The following ERC2 variants were observed in gnomAD, a reference collection of about 807,000 sequenced individuals.
The protein encoded by ERC2 is ERC protein 2.
Under a neutral mutation model 114.8 loss-of-function variants are expected in ERC2, and 42 were observed. That is an observed-to-expected ratio of 0.37 (90% confidence interval 0.29 to 0.47). The LOEUF (loss-of-function observed/expected upper bound fraction) is 0.47, where lower values mean the gene tolerates loss of function less well. Ranked by LOEUF, ERC2 falls within the 20% of genes least tolerant of loss-of-function variation. The pLI, the probability that ERC2 is intolerant of heterozygous loss-of-function variation, is 0.99. For synonymous variants in ERC2, 454 were observed against 425.5 expected (o/e 1.07, Z -0.82); for missense variants, 939 against 1,150.7 (o/e 0.82, Z 2.66).
chr3:56,391,607 G>A (rs188422112), intron 2 of ERC2, among the ~76,000 whole-genome samples: 2 of 152,282 alleles, frequency 1.3e-5, no homozygotes, highest in Non-Finnish European at 1.5e-5. Context: ...GGTGAACTGT[G>A]ACAATCAAAT....
chr3:56,389,445 C>T (rs995654770), intron 2 of ERC2, among the ~76,000 whole-genome samples: 12 of 152,104 alleles, frequency 7.9e-5, no homozygotes, highest in Non-Finnish European at 1.8e-4. Context: ...GTTTCCCTGC[C>T]AGGGAAACCC....
At chr3:55,731,258 C>A (rs1183190790) in intron 15 of ERC2, among the ~76,000 whole-genome samples, 1 of 152,200 alleles carries the variant, frequency 6.6e-6, no homozygotes, top group Non-Finnish European at 1.5e-5. Flanking sequence ...GTTGCCACAG[C>A]TCAACAATGT....
chr3:55,952,158 C>CT (rs1559922054), intron 12 of ERC2, among the ~76,000 whole-genome samples: 7 of 59,886 alleles, frequency 1.2e-4, no homozygotes, highest in South Asian at 6.4e-4. Context: ...CACACACACA[C>CT]ACACACACAC....
chr3:56,118,395 T>C (rs977676580), intron 6 of ERC2, among the ~76,000 whole-genome samples: 1 of 152,196 alleles, frequency 6.6e-6, no homozygotes, highest in Non-Finnish European at 1.5e-5. Context: ...TGATTGTTAG[T>C]AGTGACAGTA....
At chr3:56,023,919 AT>A (rs531622582) in intron 7 of ERC2, among the ~76,000 whole-genome samples, 3 of 152,310 alleles carry the variant, frequency 2.0e-5, no homozygotes, top group South Asian at 2.1e-4. Flanking sequence ...ATAAAAAGTG[AT>A]GGAGAAAGTC....
chr3:56,081,162 C>T (rs1246753593), intron 6 of ERC2, among the ~76,000 whole-genome samples, 178 bp from the exon 7 acceptor site: 1 of 151,216 alleles, frequency 6.6e-6, no homozygotes, highest in East Asian at 2.0e-4. Context: ...TCTTAAAGCC[C>T]TATTGTGTGC....
intron 10 of ERC2, among the ~76,000 whole-genome samples, chr3:56,001,440 CAG>C (rs1357218755): frequency 6.6e-6 from 1 of 151,968 alleles, no homozygotes; most frequent in Admixed American, 6.6e-5. Flanking sequence ...GACACCAAGA[CAG>C]GGGGAGTTAA....
At chr3:56,244,000 C>G (rs1213040233) in intron 3 of ERC2, among the ~76,000 whole-genome samples, 1 of 152,138 alleles carries the variant, frequency 6.6e-6, no homozygotes, top group African/African-American at 2.4e-5. Context: ...CCTGGGATGC[C>G]TCGCCAAAGA....
rs187724335 is a variant in ERC2, at chr3:55,550,828, A to G, written c.*40-39552T>C. Among the ~76,000 whole-genome samples, 8 of 152,228 alleles carry G rather than the reference A, an allele frequency of 5.3e-5. No homozygotes were observed. The East Asian group carries it at 5.8e-4, about 11-fold the overall frequency. On this transcript the variant is annotated intron_variant, in intron 17 of 17. Transcript: ENST00000288221. ...TCAGGAGATCGAGACCATCCTGGCTAACACGGTGAAACCCCATCTCTACTA... is the reference window on the plus strand; with the variant it reads ...TCAGGAGATCGAGACCATCCTGGCTGACACGGTGAAACCCCATCTCTACTA...
chr3:55,545,042 T>C (rs1377436825), intron 17 of ERC2, among the ~76,000 whole-genome samples: 1 of 152,210 alleles, frequency 6.6e-6, no homozygotes, highest in African/African-American at 2.4e-5. Flanking sequence ...TGCACCTTCA[T>C]CTGTATTGTC....
At chr3:55,701,896 A>G (rs1473982491) in intron 15 of ERC2, among the ~76,000 whole-genome samples, 1 of 152,220 alleles carries the variant, frequency 6.6e-6, no homozygotes, top group Admixed American at 6.5e-5. Context: ...TAGAATTCTG[A>G]GAGCCTGAGG....
chr3:56,404,438 C>T (rs532996270), intron 2 of ERC2, among the ~76,000 whole-genome samples: 4 of 151,884 alleles, frequency 2.6e-5, no homozygotes, highest in Non-Finnish European at 4.4e-5. Flanking sequence ...AAAAAGGCAA[C>T]TTGGGTAAAT....
chr3:55,734,796 C>T lies in ERC2; in HGVS notation c.2687G>A (p.Arg896Gln), dbSNP rs1219430465. 22 of 1,612,658 alleles carry T rather than the reference C, an allele frequency of 1.4e-5. No individual in the cohort carries two copies. Among genetic ancestry groups the T allele is most frequent in the African/African-American group, 8.0e-5 (6 of 74,830 alleles). ...EVMALKREKD[R>Q]LVHQLKQQTQ... is the part of the protein sequence containing the mutation. Reference sequence around the variant, plus strand: ...CTGCTGCTTTAATTGATGTACTAGTCGGTCTTTTTCCCGCTTGAGGGCCAT... The same window carrying T: ...CTGCTGCTTTAATTGATGTACTAGTTGGTCTTTTTCCCGCTTGAGGGCCAT... Residue 896 changes from arginine (R) to glutamine (Q), a missense_variant, in exon 15 of 18, where the codon CGA (arginine) becomes CAA (glutamine). This residue lies in a region of ERC2 where 328 missense variants were observed against 353.9 expected (regional missense o/e 0.93). Transcript: ENST00000288221.
At chr3:56,440,957 T>G (rs982253070) in intron 1 of ERC2, among the ~76,000 whole-genome samples, 1 of 152,182 alleles carries the variant, frequency 6.6e-6, no homozygotes, top group African/African-American at 2.4e-5. Flanking sequence ...GTAGTTCCAT[T>G]AGTTCCATCA....
At chr3:56,301,286 CAT>C (rs1273859113) in intron 2 of ERC2, among the ~76,000 whole-genome samples, 1 of 152,168 alleles carries the variant, frequency 6.6e-6, no homozygotes, top group African/African-American at 2.4e-5. Flanking sequence ...TTCTCAAATT[CAT>C]GTTTATATTT....
At chr3:55,882,615 T>G (rs1289330186) in intron 14 of ERC2, among the ~76,000 whole-genome samples, 1 of 152,258 alleles carries the variant, frequency 6.6e-6, no homozygotes, top group African/African-American at 2.4e-5. Flanking sequence ...AACAACTATT[T>G]TCATAGCATC....
intron 11 of ERC2, among the ~76,000 whole-genome samples, chr3:55,991,805 T>C (rs1309579032): frequency 1.3e-5 from 2 of 152,226 alleles, no homozygotes; most frequent in Non-Finnish European, 2.9e-5. Flanking sequence ...CGCTAGATCA[T>C]GGACATCACT....
Position 56,218,439 on chromosome 3 carries a change from G to T in ERC2, c.1075-44919C>A, listed in dbSNP as rs1201544144. Among the ~76,000 whole-genome samples the T allele has an allele frequency of 4.6e-5, 7 of 152,192 alleles. No individual in the cohort carries two copies. In the South Asian group the frequency reaches 1.2e-3, roughly 27 times the overall value. On this transcript the variant is annotated intron_variant, in intron 3 of 17. Coordinates refer to ENST00000288221, the MANE Select transcript of ERC2 (RefSeq NM_015576.3). ...GAAATGCAAATCAAAACCACAATGA[G>T]ATACCATCTCACACCAGTTAGAATG...
At chr3:55,992,539 G>T (rs2071163104) in intron 10 of ERC2, among the ~76,000 whole-genome samples, 1 of 152,122 alleles carries the variant, frequency 6.6e-6, no homozygotes, top group Non-Finnish European at 1.5e-5. Context: ...AAAAAGTAGG[G>T]TTAGATACTG....
Sources: gnomAD v4.1 joint callset for allele counts (sites outside exome capture counted in the v4.1 genomes callset) on GRCh38, gnomAD v4.1.1 for gene constraint, gnomAD v4.1.1 regional missense constraint, MANE v1.5 for transcripts, NCBI Gene and HGNC (gene_info 2026-07-23, HGNC 2026-07-21) for gene names.